HORMAD2: variants seen among roughly 807,000 people sequenced by gnomAD.
HORMAD2 encodes HORMA domain containing 2.
A neutral mutation model predicts 38.8 loss-of-function variants in HORMAD2; 45 were observed. The observed-to-expected ratio is 1.16, with a 90% CI of 0.91 to 1.49. HORMAD2 has a LOEUF of 1.49. Ranked by LOEUF, HORMAD2 falls within the 40% of genes most tolerant of loss-of-function variation. The probability of loss-of-function intolerance (pLI) is 0.00; values close to 1 mark genes in which losing one functional copy is unlikely to be tolerated. For missense variants in HORMAD2, 338 were observed against 367.0 expected (o/e 0.92, Z 0.65); for synonymous variants, 126 against 122.8 (o/e 1.03, Z -0.17).
At chr22:30,151,406 C>A (rs777377859) in intron 10 of HORMAD2, among the ~76,000 whole-genome samples, 2 of 152,118 alleles carry the variant, frequency 1.3e-5, no homozygotes, top group African/African-American at 4.8e-5. Context: ...ACAAGCAATG[C>A]AGTTTTCTTT....
chr22:30,177,700 A>T (rs1410791223), downstream of HORMAD2, among the ~76,000 whole-genome samples: 1 of 145,560 alleles, frequency 6.9e-6, no homozygotes, highest in African/African-American at 2.5e-5. Flanking sequence ...TAGGAGATCA[A>T]TTTATAAGGA....
chr22:30,169,620 C>T (rs540659150), intron 10 of HORMAD2, among the ~76,000 whole-genome samples: 15 of 152,270 alleles, frequency 9.9e-5, no homozygotes, highest in East Asian at 1.9e-4. Flanking sequence ...CTTCCCAATG[C>T]GCTCTTGATG....
intron 10 of HORMAD2, among the ~76,000 whole-genome samples, chr22:30,141,666 C>T (rs1569108144): frequency 6.6e-6 from 1 of 150,408 alleles, no homozygotes; most frequent in African/African-American, 2.5e-5. Flanking sequence ...ACAATCTCGG[C>T]TTACTGCAAC....
intron 1 of HORMAD2, among the ~76,000 whole-genome samples, chr22:30,086,127 A>G (rs2068566685): frequency 2.6e-5 from 4 of 152,080 alleles, no homozygotes; most frequent in Admixed American, 2.6e-4. Flanking sequence ...CTGGTTGTTT[A>G]AAAGTGTGTA....
At chr22:30,163,924 C>T (rs986117804) in intron 10 of HORMAD2, among the ~76,000 whole-genome samples, 2 of 152,116 alleles carry the variant, frequency 1.3e-5, no homozygotes, top group Non-Finnish European at 2.9e-5. Flanking sequence ...CAAACTGAAA[C>T]TCTATACCCA....
intron 6 of HORMAD2, among the ~76,000 whole-genome samples, chr22:30,112,025 G>A (rs181690326): frequency 4.3e-4 from 66 of 151,818 alleles, no homozygotes; most frequent in Non-Finnish European, 1.0e-4. Flanking sequence ...AAATGTATAG[G>A]CTATACTATC....
chr22:30,170,516 C>T (rs1390087972), intron 10 of HORMAD2, among the ~76,000 whole-genome samples: 3 of 152,164 alleles, frequency 2.0e-5, no homozygotes, highest in African/African-American at 7.2e-5. Flanking sequence ...GGGGAATTTA[C>T]ATTTTTAACA....
rs534265756 is a variant in HORMAD2, at chr22:30,114,479, A to G, written c.342+1957A>G. ...TATTTAGCATCAAGTCACTGATAAA[A>G]CTATTTAGCTCCCTGATCTCATTCT... On this transcript the variant is annotated intron_variant, in intron 7 of 10. Coordinates refer to ENST00000336726, the MANE Select transcript of HORMAD2 (RefSeq NM_152510.4). Among the ~76,000 whole-genome samples the G allele has an allele frequency of 7.2e-5, 11 of 152,330 alleles. No homozygotes were observed. In the South Asian group the frequency reaches 2.1e-3, roughly 29 times the overall value.
chr22:30,171,252 G>A (rs534454924), intron 10 of HORMAD2, among the ~76,000 whole-genome samples: 1 of 152,196 alleles, frequency 6.6e-6, no homozygotes, highest in Non-Finnish European at 1.5e-5. Context: ...CTCCAACCCA[G>A]ACCTCTTTCC....
At chr22:30,109,509 A>G (rs976658395) in intron 5 of HORMAD2, among the ~76,000 whole-genome samples, 8 of 151,712 alleles carry the variant, frequency 5.3e-5, no homozygotes, top group Non-Finnish European at 8.8e-5. Flanking sequence ...TAGAGATGGC[A>G]TCTTACCATG....
chr22:30,163,524 A>C (rs530640482), intron 10 of HORMAD2, among the ~76,000 whole-genome samples: 1 of 152,132 alleles, frequency 6.6e-6, no homozygotes, highest in African/African-American at 2.4e-5. Context: ...TCCTGGGCAC[A>C]AGCAATCTTC....
chr22:30,104,308 C>T, intron 4 of HORMAD2, 93 bp from the exon 5 acceptor site: 1 of 945,480 alleles, frequency 1.1e-6, no homozygotes. Context: ...ACTTAATGTA[C>T]ATCAAAGCAA....
chr22:30,105,921 T>C (rs777863075), intron 5 of HORMAD2, among the ~76,000 whole-genome samples: 10 of 152,232 alleles, frequency 6.6e-5, no homozygotes, highest in Non-Finnish European at 8.8e-5. Context: ...GTCCGAACGT[T>C]GCTTCCAGGA....
intron 3 of HORMAD2, among the ~76,000 whole-genome samples, chr22:30,099,863 G>A (rs1347433609): frequency 6.6e-6 from 1 of 151,966 alleles, no homozygotes; most frequent in Non-Finnish European, 1.5e-5. Context: ...CTCCAGCCTG[G>A]GTGACAAGAG....
chr22:30,207,031 G>A, the HORMAD2 span: 18 of 469,386 alleles, frequency 3.8e-5, no homozygotes, highest in East Asian at 7.0e-4. Flanking sequence ...CCGTCCCCTC[G>A]TGTCGGCCTT....
intron 10 of HORMAD2, among the ~76,000 whole-genome samples, chr22:30,131,038 C>T (rs1320266018): frequency 6.6e-6 from 1 of 152,024 alleles, no homozygotes; most frequent in African/African-American, 2.4e-5. Flanking sequence ...AGTAGACATA[C>T]ACACTGAAGA....
At chr22:30,117,329 A>G (rs572807448) in intron 7 of HORMAD2, among the ~76,000 whole-genome samples, 7 of 152,302 alleles carry the variant, frequency 4.6e-5, no homozygotes, top group African/African-American at 1.7e-4. Context: ...TTTTGAGCTT[A>G]TACTGTTTAC....
chr22:30,156,684 C>A (rs1925096394), intron 10 of HORMAD2, among the ~76,000 whole-genome samples: 2 of 152,144 alleles, frequency 1.3e-5, no homozygotes, highest in African/African-American at 4.8e-5. Context: ...TTCAGTCATA[C>A]CACAAGATTT....
intron 10 of HORMAD2, among the ~76,000 whole-genome samples, chr22:30,141,348 T>C (rs117382217): frequency 0.016 from 2,367 of 152,254 alleles, 29 homozygotes; most frequent in Non-Finnish European, 0.024. Flanking sequence ...GTTGTTTAAT[T>C]TCCACATACT....
Sources: allele counts gnomAD v4.1 joint callset (sites outside exome capture counted in the v4.1 genomes callset), GRCh38; gene constraint gnomAD v4.1.1; transcripts MANE v1.5; gene names NCBI Gene and HGNC (gene_info 2026-07-23, HGNC 2026-07-21).